HNMT: variants seen among roughly 807,000 people sequenced by gnomAD.
HNMT encodes histamine N-methyltransferase.
In HNMT, 30 loss-of-function variants were observed where a neutral mutation model predicts 32.1. That is an observed-to-expected ratio of 0.93 (90% confidence interval 0.70 to 1.27). HNMT has a LOEUF of 1.27. Among genes scored for constraint, HNMT ranks in the 50% most tolerant of loss-of-function variants. The probability of loss-of-function intolerance (pLI) is 0.00; values close to 1 mark genes in which losing one functional copy is unlikely to be tolerated. For missense variants in HNMT, 327 were observed against 346.0 expected (o/e 0.95, Z 0.43); for synonymous variants, 125 against 119.0 (o/e 1.05, Z -0.33).
At chr2:137,971,664 G>A (rs3113203) in intron 2 of HNMT, among the ~76,000 whole-genome samples, 140,651 of 152,174 alleles carry the variant, frequency 0.92, 66,031 homozygotes, top group South Asian at 1. Flanking sequence ...AGGTTGTAGT[G>A]AGAGTGATAT....
In HNMT at chr2:138,014,705, G is replaced by A. The variant is rs888063784; in HGVS notation, c.*575G>A. 1 of 151,782 alleles carries A rather than the reference G, an allele frequency of 6.6e-6. No individual in the cohort carries two copies. Among genetic ancestry groups the A allele is most frequent in the African/African-American group, 2.4e-5 (1 of 41,306 alleles). 9.4% of individuals were successfully genotyped at this position (151,782 alleles called of 1,614,324 possible). On this transcript the variant is annotated 3_prime_UTR_variant, in exon 6 of 6. Coordinates refer to ENST00000280097, the MANE Select transcript of HNMT (RefSeq NM_006895.3). ...TGTTTTCTCTTGTAATTTTATCTGTGAATTAATAGCTTTTTGTTTGTCTTT... is the reference window on the plus strand; with the variant it reads ...TGTTTTCTCTTGTAATTTTATCTGTAAATTAATAGCTTTTTGTTTGTCTTT...
chr2:138,010,070 A>G (rs1286036732), intron 5 of HNMT, among the ~76,000 whole-genome samples: 1 of 152,002 alleles, frequency 6.6e-6, no homozygotes, highest in East Asian at 1.9e-4. Flanking sequence ...CCTAAAAGGG[A>G]AGATGCTTCT....
intron 2 of HNMT, among the ~76,000 whole-genome samples, chr2:137,979,433 T>C (rs1680414544): frequency 6.6e-6 from 1 of 151,912 alleles, no homozygotes; most frequent in Non-Finnish European, 1.5e-5. Flanking sequence ...ACCACGTTTT[T>C]AGTAGAGACG....
At chr2:137,985,295 T>C (rs1466041074) in intron 2 of HNMT, among the ~76,000 whole-genome samples, 1 of 152,112 alleles carries the variant, frequency 6.6e-6, no homozygotes, top group Non-Finnish European at 1.5e-5. Flanking sequence ...TGTATGTCCA[T>C]CAACAATGCA....
intron 2 of HNMT, among the ~76,000 whole-genome samples, chr2:137,979,102 T>G (rs2104940210): frequency 6.9e-6 from 1 of 145,872 alleles, no homozygotes; most frequent in South Asian, 2.1e-4. Context: ...TTATATATAT[T>G]ATGTGTTATA....
intron 5 of HNMT, among the ~76,000 whole-genome samples, chr2:138,005,515 G>T (rs773299254): frequency 6.6e-6 from 1 of 151,940 alleles, no homozygotes; most frequent in Non-Finnish European, 1.5e-5. Context: ...ACTGACAAAA[G>T]ATTTTAAATG....
rs1681195385 is a variant in HNMT, at chr2:138,002,212, T to A, written c.429+18T>A. 3 of 1,434,316 alleles carry A rather than the reference T, an allele frequency of 2.1e-6. No individual in the cohort carries two copies. Among genetic ancestry groups the A allele is most frequent in the Admixed American group, 4.2e-5 (2 of 47,912 alleles). The allele number at this position is 1,434,316 out of a possible 1,614,324, so 88.8% of individuals were successfully genotyped here. A position where few individuals can be genotyped will look rare whatever the true frequency, so the allele number is the denominator to read the frequency against. ...TGATTCAAGTAAGAAATATGTATTA[T>A]AATATATACTCAGAAAGAAGACTTT... On this transcript the variant is annotated intron_variant, in intron 4 of 5. Transcript: ENST00000280097.
At chr2:137,972,135 C>T (rs11677091) in intron 2 of HNMT, among the ~76,000 whole-genome samples, 5,466 of 152,120 alleles carry the variant, frequency 0.036, 135 homozygotes, top group Non-Finnish European at 0.049. Context: ...GATGGAGTCT[C>T]GCTCTGTTGC....
chr2:137,967,175 C>G, intron 1 of HNMT: 1 of 763,406 alleles, frequency 1.3e-6, no homozygotes. Context: ...CTTCGGGAGG[C>G]TGAGGCGGGA....
At chr2:137,968,121 T>C (rs941383908) in intron 1 of HNMT, among the ~76,000 whole-genome samples, 1 of 152,136 alleles carries the variant, frequency 6.6e-6, no homozygotes, top group Non-Finnish European at 1.5e-5. Context: ...TGTTTCCCTA[T>C]AGAGGAATTC....
Position 138,005,152 on chromosome 2 carries a change from C to T in HNMT, c.450C>T (p.Asp150=). The T allele has an allele frequency of 6.3e-7, 1 of 1,590,204 alleles. No homozygotes were observed. Among genetic ancestry groups the T allele is most frequent in the Non-Finnish European group, 8.6e-7 (1 of 1,158,822 alleles). Residue 150 remains aspartate (D), a synonymous_variant, in exon 5 of 6, where the codon GAC becomes GAT. Transcript: ENST00000280097. The part of the protein sequence containing the change: ...HMIQMLYYVK[D]IPATLKFFHS... ...TCTAGATGCTGTATTATGTAAAAGA[C>T]ATCCCAGCTACCCTGAAATTCTTCC...
intron 2 of HNMT, among the ~76,000 whole-genome samples, chr2:137,986,265 TTA>T (rs917898866): frequency 6.7e-6 from 1 of 150,060 alleles, no homozygotes; most frequent in Non-Finnish European, 1.5e-5. Flanking sequence ...TAAATACAAT[TTA>T]TATATATATA....
chr2:137,970,470 T>C (rs558363538), intron 2 of HNMT, among the ~76,000 whole-genome samples: 1 of 152,292 alleles, frequency 6.6e-6, no homozygotes, highest in East Asian at 1.9e-4. Context: ...AAAAATCAAA[T>C]AGGATAACTT....
Position 138,000,328 on chromosome 2 carries a change from T to A in HNMT, c.191-590T>A, listed in dbSNP as rs551159991. The stretch of plus-strand genomic sequence containing the variant: ...TCCTCTCCCCATATGTTCTCTTCCC[T>A]CTTCCTACCTTGATTCAACTGAGCC... On this transcript the variant is annotated intron_variant, in intron 2 of 5. Coordinates refer to ENST00000280097, the MANE Select transcript of HNMT (RefSeq NM_006895.3). Among the ~76,000 whole-genome samples, 195 of 152,216 alleles carry A rather than the reference T, an allele frequency of 1.3e-3. 1 individual carries two copies. Among genetic ancestry groups the A allele is most frequent in the Middle Eastern group, 3.4e-3 (1 of 294 alleles).
intron 2 of HNMT, among the ~76,000 whole-genome samples, chr2:137,982,220 C>T (rs1216298411): frequency 1.3e-5 from 2 of 152,158 alleles, no homozygotes; most frequent in East Asian, 3.9e-4. Context: ...ATGCAACATT[C>T]CTCTGCTATC....
At chr2:137,966,038 T>G (rs1468845769) in intron 1 of HNMT, among the ~76,000 whole-genome samples, 1 of 152,208 alleles carries the variant, frequency 6.6e-6, no homozygotes, top group Non-Finnish European at 1.5e-5. Context: ...ATTTTTTTCC[T>G]GAAGGTAATG....
chr2:137,982,318 A>G (rs1157753798), intron 2 of HNMT, among the ~76,000 whole-genome samples: 1 of 152,222 alleles, frequency 6.6e-6, no homozygotes, highest in Non-Finnish European at 1.5e-5. Context: ...GAACTTAACA[A>G]GTTCCACATT....
chr2:137,973,571 T>C (rs1680196532), intron 2 of HNMT, among the ~76,000 whole-genome samples: 1 of 152,208 alleles, frequency 6.6e-6, no homozygotes, highest in African/African-American at 2.4e-5. Flanking sequence ...CATTTCTGTC[T>C]TAGTTTACAG....
chr2:138,002,195 G>GT lies in HNMT; in HGVS notation c.429+2dup. ...GTGGGACTTTATTCATATGATTCAAGTAAGAAATATGTATTATAATATATA... is the reference window on the plus strand; with the variant it reads ...GTGGGACTTTATTCATATGATTCAAGTTAAGAAATATGTATTATAATATATA... On this transcript the variant is annotated splice_donor_variant, in intron 4 of 5. Coordinates refer to ENST00000280097, the MANE Select transcript of HNMT (RefSeq NM_006895.3). LOFTEE classifies it high-confidence loss of function. 1 of 1,540,142 alleles carries GT rather than the reference G, an allele frequency of 6.5e-7. No homozygotes were observed. The highest frequency in any genetic ancestry group is 8.9e-7 in the Non-Finnish European group (1 of 1,124,222).
Sources: gnomAD v4.1 joint callset for allele counts (sites outside exome capture counted in the v4.1 genomes callset) on GRCh38, gnomAD v4.1.1 for gene constraint, MANE v1.5 for transcripts, NCBI Gene and HGNC (gene_info 2026-07-23, HGNC 2026-07-21) for gene names.